Variants in ADGRL3 observed in about 807,000 individuals in gnomAD.
ADGRL3 encodes calcium-independent alpha-latrotoxin receptor 3.
A neutral mutation model predicts 153.5 loss-of-function variants in ADGRL3; 62 were observed. The observed-to-expected ratio is 0.40, with a 90% CI of 0.33 to 0.50. The LOEUF (loss-of-function observed/expected upper bound fraction) is 0.50, where lower values mean the gene tolerates loss of function less well. ADGRL3 is among the 20% of genes least tolerant of loss of function. ADGRL3 has a pLI of 0.47. For synonymous variants in ADGRL3, 710 were observed against 672.5 expected (o/e 1.06, Z -0.86); for missense variants, 1,641 against 1,859.4 (o/e 0.88, Z 2.16).
chr4:61,353,637 C>T (rs2096100203), intron 1 of ADGRL3, among the ~76,000 whole-genome samples: 1 of 123,366 alleles, frequency 8.1e-6, no homozygotes. Context: ...AACGAGGTCT[C>T]ACTATATTGC....
intron 3 of ADGRL3, among the ~76,000 whole-genome samples, chr4:61,509,537 C>T (rs1351888860): frequency 6.6e-6 from 1 of 152,006 alleles, no homozygotes; most frequent in African/African-American, 2.4e-5. Flanking sequence ...GGATGATGGC[C>T]TCCACTGGCA....
intron 1 of ADGRL3, among the ~76,000 whole-genome samples, chr4:61,306,120 CAG>C (rs1446965110): frequency 6.6e-6 from 1 of 151,680 alleles, no homozygotes; most frequent in African/African-American, 2.4e-5. Flanking sequence ...TTTTTTGAGA[CAG>C]AGTCTTGCTC....
chr4:61,478,007 T>C (rs1301265769), intron 2 of ADGRL3, among the ~76,000 whole-genome samples: 1 of 152,090 alleles, frequency 6.6e-6, no homozygotes, highest in African/African-American at 2.4e-5. Context: ...TTTTTACATA[T>C]ATTAAAATAT....
At chr4:61,605,674 G>A (rs187079054) in intron 5 of ADGRL3, among the ~76,000 whole-genome samples, 1 of 152,154 alleles carries the variant, frequency 6.6e-6, no homozygotes, top group Admixed American at 6.5e-5. Context: ...TGTTGTTTTG[G>A]CAATAATATT....
At chr4:62,003,954 C>T (rs906676603) in intron 21 of ADGRL3, among the ~76,000 whole-genome samples, 4 of 152,028 alleles carry the variant, frequency 2.6e-5, no homozygotes, top group Non-Finnish European at 5.9e-5. Flanking sequence ...TTCTGAATCG[C>T]TTCAGGGATG....
At chr4:62,050,160 C>CA (rs935422080) in intron 25 of ADGRL3, among the ~76,000 whole-genome samples, 1 of 151,578 alleles carries the variant, frequency 6.6e-6, no homozygotes, top group Non-Finnish European at 1.5e-5. Context: ...TGGAGGCTAA[C>CA]AAAAAAATAA....
intron 1 of ADGRL3, among the ~76,000 whole-genome samples, chr4:61,380,394 A>G (rs982831521): frequency 6.6e-6 from 1 of 151,998 alleles, no homozygotes; most frequent in Admixed American, 6.6e-5. Flanking sequence ...CTACTTTTTA[A>G]ACTTTCCATT....
chr4:61,559,850 T>C (rs2098786972), intron 4 of ADGRL3, among the ~76,000 whole-genome samples: 1 of 152,090 alleles, frequency 6.6e-6, no homozygotes, highest in Admixed American at 6.6e-5. Flanking sequence ...ATATGTTTTA[T>C]CAAATAAAAA....
At chr4:61,387,024 G>A (rs979713188) in intron 2 of ADGRL3, among the ~76,000 whole-genome samples, 1 of 152,110 alleles carries the variant, frequency 6.6e-6, no homozygotes, top group Non-Finnish European at 1.5e-5. Flanking sequence ...AATCACGTAG[G>A]TTCTTTTCTA....
intron 5 of ADGRL3, among the ~76,000 whole-genome samples, chr4:61,653,176 A>T (rs990307302): frequency 3.1e-4 from 38 of 124,262 alleles, no homozygotes; most frequent in African/African-American, 1.4e-3. Context: ...TCTCTCACAC[A>T]CACACACACA....
intron 5 of ADGRL3, among the ~76,000 whole-genome samples, chr4:61,650,700 T>C (rs560526957): frequency 1.3e-5 from 2 of 152,158 alleles, no homozygotes; most frequent in South Asian, 2.1e-4. Flanking sequence ...AATGAGTAAA[T>C]AGTAATAATT....
At chr4:61,638,197 T>C (rs1240168905) in intron 5 of ADGRL3, among the ~76,000 whole-genome samples, 1 of 152,150 alleles carries the variant, frequency 6.6e-6, no homozygotes, top group East Asian at 1.9e-4. Flanking sequence ...AATAGAAGAT[T>C]GTTCACCAAT....
At chr4:61,389,629 T>C (rs547717250) in intron 2 of ADGRL3, among the ~76,000 whole-genome samples, 69 of 152,300 alleles carry the variant, frequency 4.5e-4, no homozygotes, top group Non-Finnish European at 6.3e-4. Flanking sequence ...TTTGGTTTGC[T>C]ATGAGATTAT....
intron 4 of ADGRL3, among the ~76,000 whole-genome samples, chr4:61,541,938 G>A (rs2148648521): frequency 6.6e-6 from 1 of 152,092 alleles, no homozygotes; most frequent in East Asian, 1.9e-4. Flanking sequence ...TTTATTCTCT[G>A]TGTGACTATC....
intron 5 of ADGRL3, among the ~76,000 whole-genome samples, chr4:61,644,657 G>C (rs1269891527): frequency 2.0e-5 from 3 of 152,134 alleles, no homozygotes; most frequent in African/African-American, 7.2e-5. Context: ...GAGATAGTTT[G>C]TTATAATTTC....
chr4:61,913,629 A>C (rs530876679), intron 13 of ADGRL3, among the ~76,000 whole-genome samples: 3 of 152,286 alleles, frequency 2.0e-5, no homozygotes, highest in African/African-American at 7.2e-5. Flanking sequence ...CAAGGTGTTT[A>C]CTTTTTTTAA....
At chr4:61,958,697 A>G (rs528317828) in intron 17 of ADGRL3, among the ~76,000 whole-genome samples, 1 of 152,180 alleles carries the variant, frequency 6.6e-6, no homozygotes, top group African/African-American at 2.4e-5. Flanking sequence ...CACTATCACA[A>G]GAACAGCATG....
At chr4:61,998,694 G>A (rs1271270603) in intron 21 of ADGRL3, among the ~76,000 whole-genome samples, 2 of 151,620 alleles carry the variant, frequency 1.3e-5, no homozygotes, top group African/African-American at 4.8e-5. Context: ...TCCTGCCCCA[G>A]CCTCCCGATT....
intron 1 of ADGRL3, among the ~76,000 whole-genome samples, chr4:61,328,632 A>T (rs1016368265): frequency 7.2e-5 from 11 of 152,198 alleles, no homozygotes; most frequent in African/African-American, 2.4e-4. Flanking sequence ...TTTATTAACG[A>T]TTAATTTGAG....
Sources: allele counts gnomAD v4.1 joint callset (sites outside exome capture counted in the v4.1 genomes callset), GRCh38; gene constraint gnomAD v4.1.1; transcripts MANE v1.5; gene names NCBI Gene and HGNC (gene_info 2026-07-23, HGNC 2026-07-21).